Variants in ACTR3B observed in about 807,000 individuals in gnomAD.
ACTR3B encodes actin related protein 3B, also known as actin-related protein 3B.
ACTR3B carries 8 observed loss-of-function variants against 59.0 expected under a neutral mutation model. The observed-to-expected ratio is 0.14, with a 90% CI of 0.08 to 0.24. The LOEUF is 0.24. ACTR3B is among the 10% of genes least tolerant of loss of function. The probability of loss-of-function intolerance (pLI) is 1.00; values close to 1 mark genes in which losing one functional copy is unlikely to be tolerated. For synonymous variants in ACTR3B, 148 were observed against 197.9 expected (o/e 0.75, Z 2.12); for missense variants, 245 against 552.3 (o/e 0.44, Z 5.58).
At chr7:152,849,271 C>T (rs1029168055) in intron 9 of ACTR3B, among the ~76,000 whole-genome samples, 1 of 152,160 alleles carries the variant, frequency 6.6e-6, no homozygotes, top group Non-Finnish European at 1.5e-5. Context: ...AGGGGGTCTG[C>T]TATGCTCAGG....
At chr7:152,795,313 C>G (rs1216774571) in intron 2 of ACTR3B, among the ~76,000 whole-genome samples, 1 of 152,214 alleles carries the variant, frequency 6.6e-6, no homozygotes, top group African/African-American at 2.4e-5. Flanking sequence ...TCCCACAGTG[C>G]TGGGATTACA....
intron 7 of ACTR3B, 116 bp downstream of exon 7, chr7:152,820,558 T>G: frequency 2.0e-6 from 3 of 1,464,662 alleles, no homozygotes; most frequent in Non-Finnish European, 2.7e-6. Flanking sequence ...TTCCCATGAA[T>G]GTGGGGCTTG....
chr7:152,817,339 C>T (rs745937052), intron 6 of ACTR3B, among the ~76,000 whole-genome samples: 31 of 152,114 alleles, frequency 2.0e-4, no homozygotes, highest in Non-Finnish European at 3.8e-4. Context: ...CGAGATCGCA[C>T]CATTGCACCC....
At chr7:152,841,892 T>G (rs573932269) in intron 9 of ACTR3B, among the ~76,000 whole-genome samples, 1 of 152,210 alleles carries the variant, frequency 6.6e-6, no homozygotes, top group African/African-American at 2.4e-5. Context: ...AGGTTCAACT[T>G]TGAGATATAA....
At chr7:152,804,589 C>T (rs1329074777) in intron 4 of ACTR3B, among the ~76,000 whole-genome samples, 10 of 152,116 alleles carry the variant, frequency 6.6e-5, no homozygotes, top group Non-Finnish European at 1.3e-4. Context: ...GTGAGAATGG[C>T]AGGAGTGGGT....
At chr7:152,812,019 C>CTTTTTTTTTTTTTTTTTTTTTT (rs1164677748) in intron 4 of ACTR3B, 1 of 23,356 alleles carries the variant, frequency 4.3e-5, no homozygotes, top group African/African-American at 1.1e-4. Flanking sequence ...AAATAAAAGT[C>CTTTTTTTTTTTTTTTTTTTTTT]TTTTTTTTTT....
intron 9 of ACTR3B, among the ~76,000 whole-genome samples, chr7:152,842,343 A>T (rs1437158418): frequency 2.0e-5 from 3 of 152,380 alleles, no homozygotes; most frequent in Non-Finnish European, 2.9e-5. Flanking sequence ...CGGTGTGGAC[A>T]TGCTGGACAA....
At chr7:152,802,242 T>C (rs1157894416) in intron 4 of ACTR3B, among the ~76,000 whole-genome samples, 1 of 152,064 alleles carries the variant, frequency 6.6e-6, no homozygotes, top group East Asian at 1.9e-4. Flanking sequence ...CTCCTTGGAG[T>C]GGGGACCAGG....
intron 4 of ACTR3B, among the ~76,000 whole-genome samples, chr7:152,808,602 C>T (rs1239343018): frequency 6.6e-6 from 1 of 152,210 alleles, no homozygotes; most frequent in Admixed American, 6.5e-5. Context: ...AGGCAAGAAA[C>T]CTTCCCCAGC....
chr7:152,814,617 A>G lies in ACTR3B; in HGVS notation c.404A>G (p.Asn135Ser). The G allele has an allele frequency of 6.2e-7, 1 of 1,613,792 alleles. No individual in the cohort carries two copies. The change falls in exon 5 of 12, where the codon AAC (asparagine) becomes AGC (serine). Residue 135 changes from asparagine (N) to serine (S), a missense_variant. Asn to Ser is a conservative substitution (Grantham distance 46). Transcript: ENST00000256001. ...YLAEIMFESF[N>S]VPGLYIAVQA... The stretch of plus-strand genomic sequence containing the variant: ...GCAGAAATTATGTTTGAATCATTTA[A>G]CGTACCAGGACTCTACATTGCAGTT...
intron 2 of ACTR3B, among the ~76,000 whole-genome samples, chr7:152,799,097 A>AT (rs1445788660): frequency 6.6e-6 from 1 of 152,228 alleles, no homozygotes; most frequent in Non-Finnish European, 1.5e-5. Context: ...AGTCACAAAG[A>AT]TTTTGATTCA....
intron 1 of ACTR3B, among the ~76,000 whole-genome samples, chr7:152,774,510 A>G (rs917275533): frequency 6.6e-6 from 1 of 152,066 alleles, no homozygotes; most frequent in African/African-American, 2.4e-5. Context: ...GGGCTTTGGG[A>G]AAGAGTGAAA....
At chr7:152,840,432 C>T (rs1797788452) in intron 9 of ACTR3B, among the ~76,000 whole-genome samples, 1 of 152,214 alleles carries the variant, frequency 6.6e-6, no homozygotes, top group East Asian at 1.9e-4. Flanking sequence ...CTGGTGATGT[C>T]TTCACAGATG....
At position 152,853,588 on chromosome 7, in the gene ACTR3B, C is replaced by G; in HGVS notation, c.1161+11C>G. 6.2e-7 allele frequency: 1 copy of G among 1,608,648 alleles called. No individual in the cohort carries two copies. The highest frequency in any genetic ancestry group is 8.5e-7 in the Non-Finnish European group (1 of 1,176,740). ...ATGCTGGCCTCGACTGTAAGTCCCT[C>G]TCTCGAGGGCTCTGTGTCTCCATTC... is the stretch of plus-strand genomic sequence containing the variant. On this transcript the variant is annotated intron_variant, in intron 11 of 11. Coordinates refer to ENST00000256001, the MANE Select transcript of ACTR3B (RefSeq NM_020445.6).
intron 2 of ACTR3B, among the ~76,000 whole-genome samples, chr7:152,784,017 G>C (rs151073170): frequency 1.3e-5 from 2 of 151,984 alleles, no homozygotes; most frequent in African/African-American, 4.8e-5. Context: ...TTGAAGCTGG[G>C]GGGTGGAGGT....
At chr7:152,821,693 C>T (rs1313350073) in intron 7 of ACTR3B, among the ~76,000 whole-genome samples, 1 of 152,192 alleles carries the variant, frequency 6.6e-6, no homozygotes, top group East Asian at 1.9e-4. Flanking sequence ...TGTGTCTCCC[C>T]CCTGTGAAGG....
chr7:152,765,590 A>T (rs2098107167), intron 1 of ACTR3B, among the ~76,000 whole-genome samples: 1 of 152,068 alleles, frequency 6.6e-6, no homozygotes, highest in African/African-American at 2.4e-5. Context: ...GTAATGCAAC[A>T]TTTAAAAAAA....
At chr7:152,761,457 A>C (rs1350653663) in intron 1 of ACTR3B, among the ~76,000 whole-genome samples, 1 of 152,144 alleles carries the variant, frequency 6.6e-6, no homozygotes, top group South Asian at 2.1e-4. Flanking sequence ...AATAATGCTC[A>C]CAGAGTTGTC....
chr7:152,770,866 G>A lies in ACTR3B; in HGVS notation c.44+10940G>A, dbSNP rs1484105819. On this transcript the variant is annotated intron_variant, in intron 1 of 11. Transcript: ENST00000256001. ...TGTGAAGCAGAAAGGACCCATCATG[G>A]GACTATGCACAGAAAATAAGGAAGG... 7.3e-5 allele frequency among the ~76,000 whole-genome samples: 10 copies of A among 136,890 alleles called. 1 individual carries two copies. Among genetic ancestry groups the A allele is most frequent in the Admixed American group, 5.6e-4 (8 of 14,202 alleles). 89.8% of individuals were successfully genotyped at this position (136,890 alleles called of 152,430 possible). A position where few individuals can be genotyped will look rare whatever the true frequency, so the allele number is the denominator to read the frequency against.
Sources: allele counts gnomAD v4.1 joint callset (sites outside exome capture counted in the v4.1 genomes callset), GRCh38; gene constraint gnomAD v4.1.1; transcripts MANE v1.5; gene names NCBI Gene and HGNC (gene_info 2026-07-23, HGNC 2026-07-21).